LRRC4C: variants seen among roughly 807,000 people sequenced by gnomAD.
LRRC4C encodes the protein leucine rich repeat containing 4C, also known as leucine-rich repeat-containing protein 4C.
LRRC4C carries 5 observed loss-of-function variants against 33.6 expected under a neutral mutation model. That is an observed-to-expected ratio of 0.15 (90% CI 0.08 to 0.31). The LOEUF (loss-of-function observed/expected upper bound fraction) is 0.31, where lower values mean the gene tolerates loss of function less well. LRRC4C is among the 10% of genes least tolerant of loss of function. The probability of loss-of-function intolerance (pLI) is 1.00; values close to 1 mark genes in which losing one functional copy is unlikely to be tolerated. For missense variants in LRRC4C, 560 were observed against 796.7 expected, an observed-to-expected ratio of 0.70 and a Z score of 3.58; for synonymous variants, 329 against 302.0, an observed-to-expected ratio of 1.09 and a Z score of -0.93.
intron 5 of LRRC4C, among the ~76,000 whole-genome samples, chr11:40,204,233 A>G (rs1182825476): frequency 6.6e-6 from 1 of 152,074 alleles, no homozygotes; most frequent in Non-Finnish European, 1.5e-5. Context: ...CTAGTCCAGG[A>G]AGATATTTTA....
chr11:41,213,594 G>A (rs4325297), intron 1 of LRRC4C, among the ~76,000 whole-genome samples: 82,555 of 152,072 alleles, frequency 0.54, 24,642 homozygotes, highest in African/African-American at 0.79. Flanking sequence ...ATCACATTAC[G>A]TTTTTTGAGC....
chr11:40,501,266 A>G (rs777956031), intron 3 of LRRC4C, among the ~76,000 whole-genome samples: 1 of 152,126 alleles, frequency 6.6e-6, no homozygotes, highest in Non-Finnish European at 1.5e-5. Context: ...CAGGCACACA[A>G]TGCAACCTGT....
In LRRC4C at chr11:40,400,585, T is replaced by G. The variant is rs530627064; in HGVS notation, c.-269-80864A>C. ...TTAATTTCACATTTGGGATGTATCCTCTAGCTAGCCCTCCATCTCCATTTC... is the reference window on the plus strand; with the variant it reads ...TTAATTTCACATTTGGGATGTATCCGCTAGCTAGCCCTCCATCTCCATTTC... On this transcript the variant is annotated intron_variant, in intron 3 of 6. Transcript: ENST00000528697. Among the ~76,000 whole-genome samples the G allele has an allele frequency of 2.4e-4, 37 of 152,234 alleles. 1 individual carries two copies. In the South Asian group the frequency reaches 7.5e-3, roughly 31 times the overall value.
chr11:40,459,801 T>C (rs1017211865), intron 3 of LRRC4C, among the ~76,000 whole-genome samples: 5 of 151,018 alleles, frequency 3.3e-5, no homozygotes, highest in Admixed American at 6.6e-5. Flanking sequence ...GGGGTCCTTG[T>C]TGTTGGTGCC....
chr11:40,966,389 A>G (rs1851366152), intron 1 of LRRC4C, among the ~76,000 whole-genome samples: 1 of 151,936 alleles, frequency 6.6e-6, no homozygotes, highest in Admixed American at 6.6e-5. Flanking sequence ...TGAAGAGGAA[A>G]AAGATGGAGT....
At chr11:41,110,548 G>T (rs1048282868) in intron 1 of LRRC4C, among the ~76,000 whole-genome samples, 2 of 151,988 alleles carry the variant, frequency 1.3e-5, no homozygotes, top group Non-Finnish European at 2.9e-5. Context: ...GTTTACCATC[G>T]CAGGCATACA....
At chr11:40,220,859 C>T (rs931871503) in intron 5 of LRRC4C, among the ~76,000 whole-genome samples, 2 of 139,960 alleles carry the variant, frequency 1.4e-5, no homozygotes, top group African/African-American at 5.0e-5. Flanking sequence ...CAGCCTATTT[C>T]CTATTTTTGT....
At chr11:40,340,085 T>G (rs1946800274) in intron 3 of LRRC4C, among the ~76,000 whole-genome samples, 1 of 152,156 alleles carries the variant, frequency 6.6e-6, no homozygotes, top group Non-Finnish European at 1.5e-5. Context: ...TATTTTCCAT[T>G]GCTCTAGTGT....
At chr11:40,918,045 A>G (rs1957032519) in intron 2 of LRRC4C, among the ~76,000 whole-genome samples, 1 of 152,134 alleles carries the variant, frequency 6.6e-6, no homozygotes, top group Non-Finnish European at 1.5e-5. Flanking sequence ...AAGTAACTCA[A>G]TATCAGTATG....
chr11:41,271,261 A>G (rs932640098), intron 1 of LRRC4C, among the ~76,000 whole-genome samples: 12 of 152,014 alleles, frequency 7.9e-5, no homozygotes, highest in African/African-American at 2.9e-4. Flanking sequence ...TTTAGATCCT[A>G]TCACCCTCGT....
intron 1 of LRRC4C, among the ~76,000 whole-genome samples, chr11:41,245,766 T>C (rs1948425997): frequency 6.6e-6 from 1 of 152,172 alleles, no homozygotes; most frequent in African/African-American, 2.4e-5. Context: ...CCAGGAAGAA[T>C]GAGGTACGCG....
chr11:41,285,796 C>G (rs1949807553), intron 1 of LRRC4C, among the ~76,000 whole-genome samples: 1 of 151,960 alleles, frequency 6.6e-6, no homozygotes, highest in Non-Finnish European at 1.5e-5. Context: ...TGGTCAATCT[C>G]TTTTTTATTT....
At chr11:40,743,212 G>A (rs1480438452) in intron 2 of LRRC4C, among the ~76,000 whole-genome samples, 1 of 152,034 alleles carries the variant, frequency 6.6e-6, no homozygotes, top group Non-Finnish European at 1.5e-5. Flanking sequence ...AACAGTGAAA[G>A]CATGCATTTA....
intron 3 of LRRC4C, among the ~76,000 whole-genome samples, chr11:40,610,248 G>A (rs1210000901): frequency 3.3e-5 from 5 of 151,750 alleles, no homozygotes; most frequent in Non-Finnish European, 7.4e-5. Flanking sequence ...AACCAATGTG[G>A]TATACCATAT....
At chr11:40,337,576 G>A (rs1590359669) in intron 3 of LRRC4C, among the ~76,000 whole-genome samples, 1 of 152,044 alleles carries the variant, frequency 6.6e-6, no homozygotes, top group African/African-American at 2.4e-5. Context: ...TATGATACAT[G>A]GACAAAAGTT....
chr11:40,817,352 A>G (rs1322449981), intron 2 of LRRC4C, among the ~76,000 whole-genome samples: 2 of 152,208 alleles, frequency 1.3e-5, no homozygotes, highest in Non-Finnish European at 2.9e-5. Context: ...CTAGATATTT[A>G]TATGAAGAAA....
chr11:40,630,949 A>G (rs749977662), intron 3 of LRRC4C, among the ~76,000 whole-genome samples: 20 of 152,212 alleles, frequency 1.3e-4, no homozygotes, highest in Admixed American at 7.9e-4. Flanking sequence ...TCTTAAACAG[A>G]GAAATGTAAA....
At chr11:40,223,805 C>A (rs557869451) in intron 5 of LRRC4C, among the ~76,000 whole-genome samples, 9 of 152,178 alleles carry the variant, frequency 5.9e-5, no homozygotes, top group East Asian at 1.9e-4. Flanking sequence ...CTTTCCAAGA[C>A]CTTCCATTCA....
intron 3 of LRRC4C, among the ~76,000 whole-genome samples, chr11:40,630,943 A>T (rs1318200944): frequency 2.0e-5 from 3 of 152,218 alleles, no homozygotes; most frequent in Non-Finnish European, 4.4e-5. Context: ...TGTGCATCTT[A>T]AACAGAGAAA....
Sources: gnomAD v4.1 joint callset for allele counts (sites outside exome capture counted in the v4.1 genomes callset) on GRCh38, gnomAD v4.1.1 for gene constraint, MANE v1.5 for transcripts, NCBI Gene and HGNC (gene_info 2026-07-23, HGNC 2026-07-21) for gene names.